TBCK: variants seen among roughly 807,000 people sequenced by gnomAD.
TBCK encodes TBC1 domain containing kinase.
In TBCK, 99 loss-of-function variants were observed where a neutral mutation model predicts 113.4. The observed-to-expected ratio is 0.87, with a 90% confidence interval of 0.74 to 1.03. The LOEUF is 1.03. TBCK is among the 50% of genes least tolerant of loss of function. TBCK has a pLI of 0.00. For synonymous variants in TBCK, 369 were observed against 370.8 expected, an observed-to-expected ratio of 1.00 and a Z score of 0.05; for missense variants, 1,045 against 1,061.3, an observed-to-expected ratio of 0.98 and a Z score of 0.21.
intron 3 of TBCK, among the ~76,000 whole-genome samples, chr4:106,289,863 T>C (rs1430897380): frequency 6.6e-6 from 1 of 152,004 alleles, no homozygotes; most frequent in Admixed American, 6.5e-5. Flanking sequence ...TGTGCTACAA[T>C]GATCTCTCAA....
At chr4:106,250,231 C>T (rs2150059991) in intron 7 of TBCK, among the ~76,000 whole-genome samples, 187 bp downstream of exon 7, 1 of 152,084 alleles carries the variant, frequency 6.6e-6, no homozygotes, top group African/African-American at 2.4e-5. Context: ...GAAATTTCTG[C>T]TGTAATATTT....
intron 20 of TBCK, among the ~76,000 whole-genome samples, chr4:106,205,791 A>T (rs1175542947): frequency 6.6e-6 from 1 of 150,904 alleles, no homozygotes; most frequent in Non-Finnish European, 1.5e-5. Context: ...AAACAAAAAA[A>T]ACCACTGCTC....
At chr4:106,291,485 T>C (rs1372297278) in intron 3 of TBCK, among the ~76,000 whole-genome samples, 1 of 152,236 alleles carries the variant, frequency 6.6e-6, no homozygotes, top group Non-Finnish European at 1.5e-5. Flanking sequence ...TTGTATGCTA[T>C]GTGGCGACCA....
chr4:106,194,087 C>A (rs530929708), intron 21 of TBCK, among the ~76,000 whole-genome samples: 1 of 152,120 alleles, frequency 6.6e-6, no homozygotes, highest in African/African-American at 2.4e-5. Context: ...GTTTTAGGTA[C>A]AGTAAAATAA....
At chr4:106,112,435 G>A (rs1742971938) in intron 24 of TBCK, among the ~76,000 whole-genome samples, 1 of 152,134 alleles carries the variant, frequency 6.6e-6, no homozygotes. Context: ...GTTTACTGAT[G>A]GCTCTGGTAA....
intron 22 of TBCK, among the ~76,000 whole-genome samples, chr4:106,173,392 T>C (rs1751262179): frequency 6.6e-6 from 1 of 152,118 alleles, no homozygotes; most frequent in Non-Finnish European, 1.5e-5. Context: ...TGAGAGAAAA[T>C]ACTCAACCAT....
intron 25 of TBCK, among the ~76,000 whole-genome samples, chr4:106,093,532 T>C (rs1233229724): frequency 6.6e-6 from 1 of 152,156 alleles, no homozygotes; most frequent in Non-Finnish European, 1.5e-5. Context: ...AAAAAGTTAA[T>C]GCTGCTATCA....
At chr4:106,248,397 T>A in intron 8 of TBCK, 91 bp from the exon 9 acceptor site, 1 of 976,140 alleles carries the variant, frequency 1.0e-6, no homozygotes, top group East Asian at 2.9e-5. Context: ...AAGTTTTTGA[T>A]GTTTTTAAAG....
chr4:106,126,839 CT>C (rs143723188), intron 23 of TBCK, among the ~76,000 whole-genome samples: 11,667 of 152,240 alleles, frequency 0.077, 511 homozygotes, highest in Middle Eastern at 0.18. Flanking sequence ...ACAAAGTCAT[CT>C]TTTGTTTCCT....
chr4:106,280,311 C>T (rs1022326408), intron 3 of TBCK, among the ~76,000 whole-genome samples: 2 of 152,132 alleles, frequency 1.3e-5, no homozygotes, highest in Middle Eastern at 3.4e-3. Flanking sequence ...TATTTGAGCT[C>T]CTTATATAAT....
intron 24 of TBCK, among the ~76,000 whole-genome samples, chr4:106,106,314 A>G (rs894320675): frequency 6.6e-6 from 1 of 152,164 alleles, no homozygotes; most frequent in African/African-American, 2.4e-5. Context: ...GATTCTACGC[A>G]AGATCATACA....
rs550432054 is a variant in TBCK at position 106,242,926 on chromosome 4, CTG to C, written c.1071-359_1071-358del. Reference sequence around the variant, plus strand: ...CCCTTCCTGTGTCCATGTGTTCTCACTGTTCAATTCTCACCTATGAGTGAGAA... The same window carrying C: ...CCCTTCCTGTGTCCATGTGTTCTCACTTCAATTCTCACCTATGAGTGAGAA... On this transcript the variant is annotated intron_variant, in intron 11 of 25. Transcript: ENST00000394708. Among the ~76,000 whole-genome samples the C allele has an allele frequency of 2.4e-4, 35 of 146,038 alleles. No homozygotes were observed. The South Asian group carries it at 7.5e-3, about 31-fold the overall frequency.
At chr4:106,228,874 G>A (rs1172138219) in intron 19 of TBCK, among the ~76,000 whole-genome samples, 1 of 151,998 alleles carries the variant, frequency 6.6e-6, no homozygotes, top group African/African-American at 2.4e-5. Context: ...GTGCATGAGG[G>A]TTCCTTTTTC....
chr4:106,064,063 G>C (rs551257951), intron 25 of TBCK, among the ~76,000 whole-genome samples: 1 of 151,860 alleles, frequency 6.6e-6, no homozygotes, highest in African/African-American at 2.4e-5. Flanking sequence ...AGCCGGGAGA[G>C]GGGGGAAAAG....
At chr4:106,178,212 GT>G (rs1244023482) in intron 22 of TBCK, among the ~76,000 whole-genome samples, 1 of 151,912 alleles carries the variant, frequency 6.6e-6, no homozygotes, top group East Asian at 1.9e-4. Flanking sequence ...TGTTCTAACA[GT>G]TTTTTGGTGA....
intron 25 of TBCK, among the ~76,000 whole-genome samples, chr4:106,049,571 T>C (rs1221173983): frequency 6.6e-6 from 1 of 152,004 alleles, no homozygotes; most frequent in East Asian, 1.9e-4. Flanking sequence ...AGTCACATCA[T>C]ACATGGAGAA....
intron 23 of TBCK, among the ~76,000 whole-genome samples, chr4:106,127,677 G>GAA (rs1745393183): frequency 6.6e-6 from 1 of 152,146 alleles, no homozygotes. Flanking sequence ...ATGTTTGTGT[G>GAA]TGTGTGTGTA....
chr4:106,188,509 AT>A (rs1264946711), intron 22 of TBCK, among the ~76,000 whole-genome samples: 1 of 152,182 alleles, frequency 6.6e-6, no homozygotes, highest in African/African-American at 2.4e-5. Context: ...GATCTAAACT[AT>A]AAGATAATTT....
At chr4:106,108,122 C>T (rs1167859908) in intron 24 of TBCK, among the ~76,000 whole-genome samples, 1 of 152,090 alleles carries the variant, frequency 6.6e-6, no homozygotes, top group African/African-American at 2.4e-5. Flanking sequence ...AAATAGCCTA[C>T]CAACCAAAAA....
Sources: gnomAD v4.1 joint callset for allele counts (sites outside exome capture counted in the v4.1 genomes callset) on GRCh38, gnomAD v4.1.1 for gene constraint, MANE v1.5 for transcripts, NCBI Gene and HGNC (gene_info 2026-07-23, HGNC 2026-07-21) for gene names.